Variants in CFAP92 observed in about 807,000 individuals in gnomAD.
The protein encoded by CFAP92 is cilia and flagella associated protein 92 (putative).
In CFAP92, 86 loss-of-function variants were observed where a neutral mutation model predicts 106.3. The ratio of observed to expected loss-of-function variants is 0.81; its 90% CI spans 0.68 to 0.97. The LOEUF (loss-of-function observed/expected upper bound fraction) is 0.97, where lower values mean the gene tolerates loss of function less well. Among genes scored for constraint, CFAP92 ranks in the 50% least tolerant of loss-of-function variants. The pLI is 0.00. For missense variants in CFAP92, 1,204 were observed against 1,283.8 expected (o/e 0.94, Z 0.95); for synonymous variants, 477 against 506.4 (o/e 0.94, Z 0.78).
At position 128,975,778 on chromosome 3, in the gene CFAP92, C is replaced by T. The variant is rs1028098121; in HGVS notation, c.1021+1G>A. On this transcript the variant is annotated splice_donor_variant, in intron 7 of 15. Transcript: ENST00000645291. LOFTEE classifies it high-confidence loss of function. ...AATTCCCAAATCCTATCCTAACTTA[C>T]TTTGAGACCTTTGTCTGTCTAATAT... 51 of 1,585,722 alleles carry T rather than the reference C, an allele frequency of 3.2e-5. No homozygotes were observed. The highest frequency in any genetic ancestry group is 4.3e-5 in the Non-Finnish European group (50 of 1,167,302).
intron 9 of CFAP92, among the ~76,000 whole-genome samples, chr3:128,964,229 C>T (rs1381416089): frequency 6.6e-6 from 1 of 152,226 alleles, no homozygotes; most frequent in Non-Finnish European, 1.5e-5. Context: ...AAACACAGCT[C>T]ACCAAGCTCA....
chr3:128,966,667 T>C (rs1393314842), intron 8 of CFAP92: 1 of 151,278 alleles, frequency 6.6e-6, no homozygotes, highest in African/African-American at 2.4e-5. Flanking sequence ...GCCTCCTGGG[T>C]TCACGCCATT....
rs1381273257 is a variant in CFAP92 at position 128,956,217 on chromosome 3, A to T, written c.1353+9294T>A. Among the ~76,000 whole-genome samples, 726 of 88,046 alleles carry T rather than the reference A, an allele frequency of 8.2e-3. 37 individuals carry two copies. Among genetic ancestry groups the T allele is most frequent in the African/African-American group, 0.068 (683 of 9,984 alleles). 57.8% of individuals were successfully genotyped at this position (88,046 alleles called of 152,430 possible). A position where few individuals can be genotyped will look rare whatever the true frequency, so the allele number is the denominator to read the frequency against. ...AAAATAAAAAAAAAATAAAAAAATA[A>T]AAAAAAAAAAAGAAAATAGAAAGAA... On this transcript the variant is annotated intron_variant, in intron 9 of 15. Coordinates refer to ENST00000645291, the MANE Select transcript of CFAP92 (RefSeq NM_001394090.1).
At chr3:129,016,430 G>A in the CFAP92 span, among the ~76,000 whole-genome samples, 1 of 151,936 alleles carries the variant, frequency 6.6e-6, no homozygotes, top group South Asian at 2.1e-4. Flanking sequence ...GTGTGATTGT[G>A]GGGGCTGGCT....
chr3:128,927,226 A>C (rs1272961904), intron 12 of CFAP92, among the ~76,000 whole-genome samples: 3 of 152,170 alleles, frequency 2.0e-5, no homozygotes, highest in Non-Finnish European at 2.9e-5. Flanking sequence ...CGAACTTGTC[A>C]GACTCTTAAT....
intron 4 of CFAP92, among the ~76,000 whole-genome samples, chr3:128,982,869 G>A (rs907400186): frequency 8.5e-5 from 13 of 152,150 alleles, no homozygotes; most frequent in Non-Finnish European, 1.5e-4. Context: ...TAAGTTCACC[G>A]TTTCACACAC....
chr3:128,975,380 G>A (rs1216315074), intron 7 of CFAP92, among the ~76,000 whole-genome samples: 2 of 152,156 alleles, frequency 1.3e-5, no homozygotes, highest in Non-Finnish European at 2.9e-5. Flanking sequence ...TGAATGACAT[G>A]AGAAGAAATG....
chr3:128,984,697 T>A (rs372600808), intron 4 of CFAP92, among the ~76,000 whole-genome samples: 8 of 152,212 alleles, frequency 5.3e-5, no homozygotes, highest in Non-Finnish European at 1.2e-4. Flanking sequence ...CTCCCTTTCA[T>A]ATATACATCT....
chr3:129,003,773 C>T (rs768971609), upstream of CFAP92: 6 of 1,405,182 alleles, frequency 4.3e-6, no homozygotes, highest in African/African-American at 4.5e-5. Flanking sequence ...ACCCCCTGCC[C>T]CTGCTGCCCT....
intron 9 of CFAP92, among the ~76,000 whole-genome samples, chr3:128,953,873 C>T (rs1281316770): frequency 8.3e-6 from 1 of 120,002 alleles, no homozygotes; most frequent in Non-Finnish European, 1.5e-5. Flanking sequence ...TCCCGAGGTG[C>T]CGGGATTGCA....
intron 15 of CFAP92, among the ~76,000 whole-genome samples, chr3:128,911,175 G>A (rs1360762084): frequency 6.6e-6 from 1 of 152,170 alleles, no homozygotes; most frequent in Non-Finnish European, 1.5e-5. Context: ...TTCTGCCCCA[G>A]CCTCCCGAGT....
At chr3:129,006,640 A>T (rs1177737382), upstream of CFAP92, among the ~76,000 whole-genome samples, 2 of 152,164 alleles carry the variant, frequency 1.3e-5, no homozygotes, top group East Asian at 3.8e-4. Context: ...GTTAGTAAGG[A>T]AGAAGTAGGA....
intron 2 of CFAP92, among the ~76,000 whole-genome samples, chr3:128,991,171 A>C (rs1477703518): frequency 3.3e-5 from 5 of 152,324 alleles, no homozygotes; most frequent in Admixed American, 3.3e-4. Context: ...ATGAGGGCTA[A>C]AGGAGGTCAA....
At chr3:129,005,787 G>A (rs1945049069), upstream of CFAP92, among the ~76,000 whole-genome samples, 1 of 152,276 alleles carries the variant, frequency 6.6e-6, no homozygotes, top group African/African-American at 2.4e-5. Context: ...GGCAGACTCT[G>A]GGCCAGCCTC....
chr3:129,017,826 G>A, the CFAP92 span, among the ~76,000 whole-genome samples: 9 of 152,310 alleles, frequency 5.9e-5, no homozygotes, highest in South Asian at 1.7e-3. Context: ...TTGAGAATTA[G>A]GGTGTGGAAC....
chr3:128,964,167 C>A (rs1348992358), intron 9 of CFAP92, among the ~76,000 whole-genome samples: 1 of 152,186 alleles, frequency 6.6e-6, no homozygotes, highest in Non-Finnish European at 1.5e-5. Context: ...CCTTTATATC[C>A]CTTACGGTCC....
intron 4 of CFAP92, among the ~76,000 whole-genome samples, chr3:128,987,310 G>GT (rs1169696213): frequency 9.2e-4 from 134 of 145,360 alleles, no homozygotes; most frequent in African/African-American, 1.1e-3. Flanking sequence ...TTTGTTTTTT[G>GT]TTTTTTTTTT....
At position 128,945,995 on chromosome 3, in the gene CFAP92, C is replaced by G; in HGVS notation, c.1354-20G>C. The G allele has an allele frequency of 1.4e-6, 2 of 1,410,746 alleles. No homozygotes were observed. The highest frequency in any genetic ancestry group is 3.3e-5 in the South Asian group (2 of 61,270). 87.4% of individuals were successfully genotyped at this position (1,410,746 alleles called of 1,614,324 possible). The stretch of plus-strand genomic sequence containing the variant: ...CAGCCTCTACGAGAGAGCAGGGCCA[C>G]AGCAGGTCACCCAGCCACAAGGACA... On this transcript the variant is annotated intron_variant, in intron 9 of 15. Transcript: ENST00000645291.
chr3:128,912,706 G>A (rs780757880), intron 15 of CFAP92: 1 of 1,154,782 alleles, frequency 8.7e-7, no homozygotes. Context: ...ATTATCACAG[G>A]TTAAGCCTTT....
Sources: gnomAD v4.1 joint callset for allele counts (sites outside exome capture counted in the v4.1 genomes callset) on GRCh38, gnomAD v4.1.1 for gene constraint, MANE v1.5 for transcripts, NCBI Gene and HGNC (gene_info 2026-07-23, HGNC 2026-07-21) for gene names.